The following LOC728743 variants were observed in gnomAD, a reference collection of about 807,000 sequenced individuals.
At chr7:150,406,443 G>C in the LOC728743 span, among the ~76,000 whole-genome samples, 2 of 152,018 alleles carry the variant, frequency 1.3e-5, no homozygotes, top group African/African-American at 2.4e-5. Context: ...GGCAGTGGGG[G>C]GTGTGTGTGT....
At chr7:150,401,437 G>A in the LOC728743 span, among the ~76,000 whole-genome samples, 5 of 152,340 alleles carry the variant, frequency 3.3e-5, no homozygotes, top group African/African-American at 9.6e-5. Flanking sequence ...GAGAGAAATG[G>A]GTGGGAGTGG....
chr7:150,401,882 T>C, the LOC728743 span, among the ~76,000 whole-genome samples: 1 of 152,330 alleles, frequency 6.6e-6, no homozygotes, highest in East Asian at 1.9e-4. Flanking sequence ...GCCCCAGGGA[T>C]GATAGGATGA....
chr7:150,403,471 T>C, the LOC728743 span, among the ~76,000 whole-genome samples: 1 of 152,220 alleles, frequency 6.6e-6, no homozygotes. This position sits in a 1 kb window ranked among gnomAD's most constrained non-coding sequence, Gnocchi z 5.1. Flanking sequence ...TTGAAAAACA[T>C]GGTGTTCACC....
chr7:150,400,723 A>T, the LOC728743 span: 2 of 152,156 alleles, frequency 1.3e-5, no homozygotes, highest in Non-Finnish European at 2.9e-5. Flanking sequence ...TTCTGCAAGG[A>T]TGGGGTGGTA....
the LOC728743 span, chr7:150,411,318 G>A: frequency 6.6e-6 from 1 of 152,456 alleles, no homozygotes; most frequent in Non-Finnish European, 1.5e-5. Context: ...GGGAGGAAGA[G>A]GATGAGGGCC....
At chr7:150,407,627 TCCTCCGGGGGCGGGTCC>T in the LOC728743 span, 2 of 398,688 alleles carry the variant, frequency 5.0e-6, no homozygotes. Flanking sequence ...CGAGCTGGCG[TCCTCCGGGGGCGGGTCC>T]CCTGCGGGGG....
chr7:150,407,118 C>T, the LOC728743 span, among the ~76,000 whole-genome samples: 1 of 152,190 alleles, frequency 6.6e-6, no homozygotes, highest in Non-Finnish European at 1.5e-5. Flanking sequence ...CTAGCTGAAA[C>T]TGAAACTGAA....
At chr7:150,408,390 C>G in the LOC728743 span, 3 of 361,396 alleles carry the variant, frequency 8.3e-6, no homozygotes, top group Non-Finnish European at 1.5e-5. Flanking sequence ...TCCGGCCGCC[C>G]GCTCGCGTTC....
chr7:150,408,269 G>A, the LOC728743 span: 1 of 378,696 alleles, frequency 2.6e-6, no homozygotes, highest in Non-Finnish European at 4.7e-6. Context: ...CCCCGCACGT[G>A]CGTCCCCGAC....
At chr7:150,408,272 TC>T in the LOC728743 span, 1 of 377,014 alleles carries the variant, frequency 2.7e-6, no homozygotes. Flanking sequence ...CGCACGTGCG[TC>T]CCCGACCCCT....
chr7:150,408,438 T>G, the LOC728743 span: 3 of 343,376 alleles, frequency 8.7e-6, no homozygotes, highest in South Asian at 1.5e-4. Context: ...GCACAGCTGC[T>G]TCCGGCTCCT....
chr7:150,407,784 CGCACGCCGGA>C, the LOC728743 span: 1 of 401,858 alleles, frequency 2.5e-6, no homozygotes, highest in Non-Finnish European at 4.4e-6. Context: ...CACCAGAAGG[CGCACGCCGGA>C]GCGGGCCGCG....
the LOC728743 span, among the ~76,000 whole-genome samples, chr7:150,402,088 G>C: frequency 3.3e-5 from 5 of 152,200 alleles, no homozygotes; most frequent in Admixed American, 2.6e-4. Flanking sequence ...CTCAATAAAT[G>C]GTAGCTATTG....
At chr7:150,400,910 C>G in the LOC728743 span, 15 of 152,238 alleles carry the variant, frequency 9.9e-5, no homozygotes, top group Non-Finnish European at 2.9e-5. Context: ...GCCAAGGGAA[C>G]AGAAAACAGC....
chr7:150,406,381 T>A, the LOC728743 span, among the ~76,000 whole-genome samples: 1 of 152,262 alleles, frequency 6.6e-6, no homozygotes, highest in Admixed American at 6.5e-5. Flanking sequence ...ACAGTGCATC[T>A]ACAGGAGAAG....
At chr7:150,409,139 A>C in the LOC728743 span, among the ~76,000 whole-genome samples, 4 of 31,190 alleles carry the variant, frequency 1.3e-4, no homozygotes, top group South Asian at 3.2e-3. Context: ...GGGTGTTTTC[A>C]AGGGAGGGGG....
the LOC728743 span, among the ~76,000 whole-genome samples, chr7:150,408,978 C>T: frequency 6.6e-6 from 1 of 152,272 alleles, no homozygotes; most frequent in South Asian, 2.1e-4. Context: ...TGCTCACACT[C>T]GGTGTGTGAC....
chr7:150,405,826 C>G, the LOC728743 span: 1 of 152,090 alleles, frequency 6.6e-6, no homozygotes, highest in South Asian at 2.1e-4. Context: ...GGAGAGTTAC[C>G]GTATTTGCGT....
the LOC728743 span, among the ~76,000 whole-genome samples, chr7:150,403,864 C>T: frequency 6.6e-6 from 1 of 152,200 alleles, no homozygotes; most frequent in African/African-American, 2.4e-5. The surrounding 1 kb of genome is among the most constrained non-coding windows in gnomAD (Gnocchi z 5.1). Flanking sequence ...GTGGGGCAGA[C>T]TGGTCCTCCA....
Sources: allele counts gnomAD v4.1 joint callset (sites outside exome capture counted in the v4.1 genomes callset), GRCh38; gene constraint gnomAD v4.1.1; non-coding constraint Gnocchi (gnomAD v3.1); transcripts MANE v1.5.